The following PAK5 variants were observed in gnomAD, a reference collection of about 807,000 sequenced individuals.
PAK5 encodes the protein p21 (RAC1) activated kinase 5.
In PAK5, 16 loss-of-function variants were observed where a neutral mutation model predicts 65.9. The ratio of observed to expected loss-of-function variants is 0.24; its 90% CI spans 0.16 to 0.37. The LOEUF (loss-of-function observed/expected upper bound fraction) is 0.37. Among genes scored for constraint, PAK5 ranks in the 10% least tolerant of loss-of-function variants. PAK5 has a pLI of 1.00. For missense variants in PAK5, 785 were observed against 903.9 expected (o/e 0.87, Z 1.69); for synonymous variants, 371 against 354.9 (o/e 1.05, Z -0.51).
chr20:9,626,693 C>A (rs1402353775), intron 3 of PAK5, among the ~76,000 whole-genome samples: 1 of 152,178 alleles, frequency 6.6e-6, no homozygotes, highest in Admixed American at 6.5e-5. Flanking sequence ...AAGTATTTTG[C>A]AAATTTCAAT....
chr20:9,543,528 T>C (rs2045299397), intron 8 of PAK5, among the ~76,000 whole-genome samples: 1 of 151,990 alleles, frequency 6.6e-6, no homozygotes, highest in South Asian at 2.1e-4. Flanking sequence ...AGTTGAGGAC[T>C]CATCCAAGGT....
At chr20:9,594,780 T>G (rs2046233506) in intron 3 of PAK5, among the ~76,000 whole-genome samples, 1 of 152,202 alleles carries the variant, frequency 6.6e-6, no homozygotes, top group South Asian at 2.1e-4. Context: ...TTCTCACATT[T>G]GACTTCCAAT....
At chr20:9,826,796 C>G (rs2123781921) in intron 1 of PAK5, among the ~76,000 whole-genome samples, 1 of 152,290 alleles carries the variant, frequency 6.6e-6, no homozygotes, top group Admixed American at 6.5e-5. Context: ...TTTCACTACA[C>G]AAATCAAGGG....
At chr20:9,787,343 A>C (rs2049003163) in intron 1 of PAK5, among the ~76,000 whole-genome samples, 1 of 152,066 alleles carries the variant, frequency 6.6e-6, no homozygotes, top group Admixed American at 6.6e-5. Flanking sequence ...TCCCACCTCC[A>C]GGTCTTTGCA....
chr20:9,635,734 C>A (rs2046975530), intron 3 of PAK5, among the ~76,000 whole-genome samples: 1 of 152,198 alleles, frequency 6.6e-6, no homozygotes, highest in East Asian at 1.9e-4. Flanking sequence ...ATGCTTCTAG[C>A]TCAACACTAT....
intron 3 of PAK5, among the ~76,000 whole-genome samples, chr20:9,616,219 T>C (rs2046652915): frequency 6.6e-6 from 1 of 152,222 alleles, no homozygotes. Context: ...CTATGAACCA[T>C]GCATGATGTC....
rs2045280318 is a variant in PAK5 at position 9,542,441 on chromosome 20, T to A, written c.2004+145A>T. 16 of 820,136 alleles carry A rather than the reference T, an allele frequency of 2.0e-5. No individual in the cohort carries two copies. In the South Asian group the frequency reaches 2.3e-4, roughly 12 times the overall value. The allele number at this position is 820,136 out of a possible 1,614,324, so 50.8% of individuals were successfully genotyped here. On this transcript the variant is annotated intron_variant, in intron 9 of 9. Transcript: ENST00000353224. ...CAGTAAACGAATAGAAGAACAGAGA[T>A]TCAAACCTAAGTGACTATTTCCAAA...
In PAK5 at chr20:9,633,737, T is replaced by G. The variant is rs532574032; in HGVS notation, c.204+10388A>C. Among the ~76,000 whole-genome samples, 17 of 152,306 alleles carry G rather than the reference T, an allele frequency of 1.1e-4. 1 individual carries two copies. The highest frequency in any genetic ancestry group is 3.6e-4 in the African/African-American group (15 of 41,570). On this transcript the variant is annotated intron_variant, in intron 3 of 9. Transcript: ENST00000353224. ...GAACCCTCAGTATATGCGGTCCCTG[T>G]GTGGGTTCTTCTCTATCACTTCCTC...
intron 2 of PAK5, among the ~76,000 whole-genome samples, chr20:9,688,218 C>T (rs1428792908): frequency 1.3e-5 from 2 of 151,986 alleles, no homozygotes; most frequent in African/African-American, 2.4e-5. Context: ...CTTCCTATTT[C>T]CAAGCTAGAC....
chr20:9,653,677 A>G (rs1333475982), intron 2 of PAK5, among the ~76,000 whole-genome samples: 1 of 152,174 alleles, frequency 6.6e-6, no homozygotes, highest in Non-Finnish European at 1.5e-5. Context: ...TTCCCACTGT[A>G]TTAGTTTCCT....
intron 3 of PAK5, among the ~76,000 whole-genome samples, chr20:9,593,447 T>C (rs988930738): frequency 6.6e-6 from 1 of 152,120 alleles, no homozygotes; most frequent in Non-Finnish European, 1.5e-5. Flanking sequence ...TTCCTTTTTA[T>C]TTATTTATTT....
intron 3 of PAK5, among the ~76,000 whole-genome samples, chr20:9,634,120 A>G (rs1258386246): frequency 2.6e-5 from 4 of 152,100 alleles, no homozygotes; most frequent in Admixed American, 6.6e-5. Context: ...CAGTGACCCA[A>G]TTTTAGTTGG....
At chr20:9,596,208 C>A (rs2046260698) in intron 3 of PAK5, among the ~76,000 whole-genome samples, 1 of 152,188 alleles carries the variant, frequency 6.6e-6, no homozygotes, top group Non-Finnish European at 1.5e-5. Context: ...CTTGATCTTA[C>A]ATCTGACCCA....
intron 7 of PAK5, among the ~76,000 whole-genome samples, chr20:9,549,630 G>A (rs1021302518): frequency 3.9e-5 from 6 of 152,254 alleles, no homozygotes; most frequent in Admixed American, 1.3e-4. Context: ...AACTCAGGAC[G>A]CCAATTCATT....
chr20:9,751,638 G>A (rs1335125950), intron 1 of PAK5, among the ~76,000 whole-genome samples: 1 of 152,086 alleles, frequency 6.6e-6, no homozygotes, highest in East Asian at 1.9e-4. Context: ...AGTAAGCAAT[G>A]GACTAATACA....
chr20:9,570,699 A>G (rs772156627), intron 4 of PAK5, among the ~76,000 whole-genome samples: 2 of 152,120 alleles, frequency 1.3e-5, no homozygotes, highest in Non-Finnish European at 2.9e-5. Flanking sequence ...TGCCATTATC[A>G]CCCTGTGTCT....
chr20:9,616,028 G>C (rs562181922), intron 3 of PAK5, among the ~76,000 whole-genome samples: 9 of 152,244 alleles, frequency 5.9e-5, no homozygotes, highest in Non-Finnish European at 1.0e-4. Context: ...CATTCTTCTG[G>C]TTACAAGAGA....
intron 1 of PAK5, among the ~76,000 whole-genome samples, chr20:9,771,897 G>C (rs2048838268): frequency 6.6e-6 from 1 of 152,008 alleles, no homozygotes; most frequent in Non-Finnish European, 1.5e-5. Context: ...AATTAGCCAG[G>C]TGTGCTGGTA....
chr20:9,774,037 C>T (rs970449784), intron 1 of PAK5, among the ~76,000 whole-genome samples: 1 of 152,094 alleles, frequency 6.6e-6, no homozygotes, highest in Non-Finnish European at 1.5e-5. Flanking sequence ...ATGGGAGATC[C>T]ACAAAGCAAA....
Sources: gnomAD v4.1 joint callset for allele counts (sites outside exome capture counted in the v4.1 genomes callset) on GRCh38, gnomAD v4.1.1 for gene constraint, MANE v1.5 for transcripts, NCBI Gene and HGNC (gene_info 2026-07-23, HGNC 2026-07-21) for gene names.